Variants in UTP20 observed in about 807,000 individuals in gnomAD.
UTP20 encodes UTP20 small subunit processome component.
In UTP20, 164 loss-of-function variants were observed where a neutral mutation model predicts 329.5. The ratio of observed to expected loss-of-function variants is 0.50; its 90% CI spans 0.44 to 0.57. UTP20 has a LOEUF of 0.57. UTP20 is among the 20% of genes least tolerant of loss of function. UTP20 has a pLI of 0.00. For synonymous variants in UTP20, 1,151 were observed against 1,159.3 expected (o/e 0.99, Z 0.14); for missense variants, 3,055 against 3,284.2 (o/e 0.93, Z 1.71).
At chr12:101,313,307 C>G (rs1872853396) in intron 21 of UTP20, among the ~76,000 whole-genome samples, 1 of 152,118 alleles carries the variant, frequency 6.6e-6, no homozygotes, top group East Asian at 1.9e-4. Context: ...CTGAGTGGTT[C>G]TAGCAGAATG....
At chr12:101,352,352 A>G (rs1179217075) in intron 39 of UTP20, among the ~76,000 whole-genome samples, 158 bp downstream of exon 39, 1 of 152,146 alleles carries the variant, frequency 6.6e-6, no homozygotes, top group African/African-American at 2.4e-5. Flanking sequence ...TAATGCCACA[A>G]TAAACATACG....
intron 14 of UTP20, among the ~76,000 whole-genome samples, chr12:101,301,808 A>C (rs188009191): frequency 1.3e-5 from 2 of 152,380 alleles, no homozygotes; most frequent in Admixed American, 1.3e-4. Context: ...TGATAAATCC[A>C]AGCCTGCACT....
At chr12:101,340,389 A>G (rs1007350371) in intron 31 of UTP20, 134 bp from the exon 32 acceptor site, 10 of 575,828 alleles carry the variant, frequency 1.7e-5, no homozygotes, top group Non-Finnish European at 2.7e-5. Flanking sequence ...ATACATGCAC[A>G]CATACTTAAA....
At chr12:101,285,505 T>G in intron 2 of UTP20, 65 bp from the exon 3 acceptor site, 1 of 1,499,438 alleles carries the variant, frequency 6.7e-7, no homozygotes, top group Non-Finnish European at 9.2e-7. Flanking sequence ...ATATCATTAT[T>G]CTATTTACCT....
Position 101,318,970 on chromosome 12 carries a change from C to T in UTP20, c.2739-575C>T, listed in dbSNP as rs144857154. 2.6e-3 allele frequency among the ~76,000 whole-genome samples: 392 copies of T among 152,148 alleles called. 4 individuals carry two copies. The highest frequency in any genetic ancestry group is 9.1e-3 in the African/African-American group (379 of 41,514). ...GCACAGGGGCAGGAAAGATTATGGC[C>T]AGCCTTCATGTCACTATACAATACT... On this transcript the variant is annotated intron_variant, in intron 22 of 61. Coordinates refer to ENST00000261637, the MANE Select transcript of UTP20 (RefSeq NM_014503.3).
rs1374493797 is a variant in UTP20 at position 101,343,168 on chromosome 12, A to G, written c.4449+75A>G. 4 of 1,064,498 alleles carry G rather than the reference A, an allele frequency of 3.8e-6. No individual in the cohort carries two copies. In the African/African-American group the frequency reaches 5.0e-5, roughly 13 times the overall value. 65.9% of individuals were successfully genotyped at this position (1,064,498 alleles called of 1,614,324 possible). ...TACGGCTGCCTAATACAGTGACCTG[A>G]TCTTTAAATTTGTTTTTTGAGGGGG... is the stretch of plus-strand genomic sequence containing the variant. On this transcript the variant is annotated intron_variant, in intron 35 of 61. Coordinates refer to ENST00000261637, the MANE Select transcript of UTP20 (RefSeq NM_014503.3).
chr12:101,353,508 T>A (rs1869609333), intron 40 of UTP20, among the ~76,000 whole-genome samples: 2 of 152,040 alleles, frequency 1.3e-5, no homozygotes, highest in Non-Finnish European at 2.9e-5. Context: ...ATAGAAAAGA[T>A]CAACAAAGCT....
chr12:101,341,439 A>G (rs1869132720), intron 32 of UTP20, among the ~76,000 whole-genome samples: 2 of 152,334 alleles, frequency 1.3e-5, no homozygotes, highest in South Asian at 2.1e-4. Flanking sequence ...AGACCTCAGT[A>G]GTGATACTAA....
At chr12:101,320,994 GC>G in intron 24 of UTP20, 57 bp downstream of exon 24, 1 of 1,443,224 alleles carries the variant, frequency 6.9e-7, no homozygotes. Context: ...TTATATTTCT[GC>G]CTAAGAGCCT....
At chr12:101,381,711 T>C (rs548749478) in intron 58 of UTP20, among the ~76,000 whole-genome samples, 1 of 152,030 alleles carries the variant, frequency 6.6e-6, no homozygotes, top group Non-Finnish European at 1.5e-5. Context: ...GATTACTCTT[T>C]GCTCCATTTA....
At chr12:101,343,798 C>T (rs1360732190) in intron 35 of UTP20, among the ~76,000 whole-genome samples, 1 of 152,154 alleles carries the variant, frequency 6.6e-6, no homozygotes, top group Admixed American at 6.6e-5. Flanking sequence ...AGGTGTGGGC[C>T]ACCGCACCCA....
In UTP20 at chr12:101,363,619, A is replaced by T. The variant is rs1175113596; in HGVS notation, c.5834A>T (p.Glu1945Val). The stretch of plus-strand genomic sequence containing the variant: ...TTTGGTGCTGTTGCTGAAGAGAAGG[A>T]AGTAAAGCAGATCCTCTCCAAAGTC... Reference protein sequence around the residue: ...ELFGAVAEEKEVKQILSKVME... With the variant: ...ELFGAVAEEKVVKQILSKVME... The change falls in exon 45 of 62, where the codon GAA becomes GTA. Residue 1945 changes from glutamate to valine, a missense_variant. By Grantham distance (121) the Glu-to-Val change is moderately radical. Coordinates refer to ENST00000261637, the MANE Select transcript of UTP20 (RefSeq NM_014503.3). 1 of 1,614,132 alleles carries T rather than the reference A, an allele frequency of 6.2e-7. No homozygotes were observed. The highest frequency in any genetic ancestry group is 8.5e-7 in the Non-Finnish European group (1 of 1,180,014).
At chr12:101,289,555 T>A (rs1287244793) in intron 6 of UTP20, among the ~76,000 whole-genome samples, 1 of 152,208 alleles carries the variant, frequency 6.6e-6, no homozygotes, top group Non-Finnish European at 1.5e-5. Flanking sequence ...TAAGACTTAT[T>A]TGTTGCTCAC....
intron 36 of UTP20, among the ~76,000 whole-genome samples, chr12:101,345,128 T>C (rs2120945382): frequency 6.6e-6 from 1 of 152,058 alleles, no homozygotes; most frequent in African/African-American, 2.4e-5. Flanking sequence ...GTATTTTTAG[T>C]AGAGACGGGG....
chr12:101,289,857 A>T (rs1344899559), intron 6 of UTP20: 1 of 172,338 alleles, frequency 5.8e-6, no homozygotes, highest in Admixed American at 6.3e-5. Flanking sequence ...TACAATACAA[A>T]ATACAAATGT....
chr12:101,306,275 C>G (rs1207205070), intron 16 of UTP20, among the ~76,000 whole-genome samples: 2 of 151,312 alleles, frequency 1.3e-5, no homozygotes, highest in Non-Finnish European at 2.9e-5. Context: ...TCCCTACCCT[C>G]AAAGATTCCA....
In UTP20 at chr12:101,366,599, A is replaced by G. The variant is rs765933027; in HGVS notation, c.6167A>G (p.Gln2056Arg). The G allele has an allele frequency of 1.2e-6, 2 of 1,614,146 alleles. No homozygotes were observed. The highest frequency in any genetic ancestry group is 2.2e-5 in the East Asian group (1 of 44,884). Reference sequence around the variant, plus strand: ...GCACCAGATCCACGTCTACCACCCCAGAGCTGCCTTCTGCTTCCCCCAACT... The same window carrying G: ...GCACCAGATCCACGTCTACCACCCCGGAGCTGCCTTCTGCTTCCCCCAACT... ...APAPDPRLPP[Q>R]SCLLLPPTPV... Residue 2056 changes from glutamine to arginine, a missense_variant, in exon 47 of 62, where the codon CAG becomes CGG. Physicochemically the swap from Gln to Arg is conservative, Grantham distance 43. Around this residue, in one of 3 missense-constraint regions of UTP20, gnomAD observed 2,445 missense variants for 2,575.5 expected, o/e 0.95. Transcript: ENST00000261637.
At chr12:101,349,012 T>G (rs1869425629) in intron 38 of UTP20, among the ~76,000 whole-genome samples, 5 of 152,146 alleles carry the variant, frequency 3.3e-5, no homozygotes. Flanking sequence ...AATTCTAGAT[T>G]GACAGGTTTA....
At chr12:101,334,921 C>T (rs1344422467) in intron 29 of UTP20, among the ~76,000 whole-genome samples, 1 of 151,010 alleles carries the variant, frequency 6.6e-6, no homozygotes, top group African/African-American at 2.4e-5. Flanking sequence ...TACAATGAGC[C>T]ATGATCATGC....
Sources: allele counts gnomAD v4.1 joint callset (sites outside exome capture counted in the v4.1 genomes callset), GRCh38; gene constraint gnomAD v4.1.1; regional missense constraint gnomAD v4.1.1; transcripts MANE v1.5; gene names NCBI Gene and HGNC (gene_info 2026-07-23, HGNC 2026-07-21).